Variants in NPAS3 observed in about 807,000 individuals in gnomAD.
NPAS3 encodes neuronal PAS domain-containing protein 3.
Under a neutral mutation model 73.1 loss-of-function variants are expected in NPAS3, and 14 were observed. The ratio of observed to expected loss-of-function variants is 0.19; its 90% CI spans 0.13 to 0.30. The LOEUF is 0.30. Ranked by LOEUF, NPAS3 falls within the 10% of genes least tolerant of loss-of-function variation. NPAS3 has a pLI of 1.00. For synonymous variants in NPAS3, 620 were observed against 541.5 expected, an observed-to-expected ratio of 1.14 and a Z score of -2.01; for missense variants, 1,096 against 1,250.0, an observed-to-expected ratio of 0.88 and a Z score of 1.86.
At chr14:33,335,011 A>G (rs1566807215) in intron 3 of NPAS3, among the ~76,000 whole-genome samples, 3 of 145,728 alleles carry the variant, frequency 2.1e-5, no homozygotes, top group South Asian at 4.3e-4. Flanking sequence ...GTTTCTTGCT[A>G]TGGCTTAGTG....
chr14:33,459,817 G>A (rs546800962), intron 4 of NPAS3, among the ~76,000 whole-genome samples: 6 of 151,984 alleles, frequency 3.9e-5, no homozygotes, highest in Non-Finnish European at 7.4e-5. Flanking sequence ...TTTTCATTGG[G>A]TGCCCAAGAA....
chr14:33,583,032 A>G (rs2056736469), intron 5 of NPAS3, among the ~76,000 whole-genome samples: 2 of 129,282 alleles, frequency 1.5e-5, no homozygotes, highest in Admixed American at 9.0e-5. Context: ...AGTGAACCCT[A>G]GGTAAGTTCT....
intron 6 of NPAS3, among the ~76,000 whole-genome samples, chr14:33,724,331 A>C (rs1018650659): frequency 1.1e-4 from 17 of 152,126 alleles, no homozygotes; most frequent in Admixed American, 8.5e-4. Context: ...ATCCATCCTC[A>C]ATAGAAATAA....
At chr14:33,767,615 T>TTTC (rs1555330306) in intron 7 of NPAS3, among the ~76,000 whole-genome samples, 19 of 151,000 alleles carry the variant, frequency 1.3e-4, no homozygotes, top group African/African-American at 4.6e-4. Context: ...TTTTTTTTTT[T>TTTC]CGTACCTGAA....
At chr14:33,723,280 T>C (rs943484853) in intron 6 of NPAS3, among the ~76,000 whole-genome samples, 2 of 152,168 alleles carry the variant, frequency 1.3e-5, no homozygotes, top group African/African-American at 4.8e-5. Context: ...ACTGCACTCA[T>C]GCAAAACCCT....
At chr14:33,011,680 T>C (rs2039202566) in intron 1 of NPAS3, among the ~76,000 whole-genome samples, 1 of 152,210 alleles carries the variant, frequency 6.6e-6, no homozygotes, top group Admixed American at 6.5e-5. Flanking sequence ...TGCTTGTTTT[T>C]CCATTGTCTT....
intron 3 of NPAS3, among the ~76,000 whole-genome samples, chr14:33,298,579 C>A (rs76051109): frequency 0.019 from 2,837 of 152,236 alleles, 60 homozygotes; most frequent in African/African-American, 0.057. Context: ...TTTATTTCTA[C>A]CTCTTGCTAA....
chr14:33,531,181 G>T (rs1039387701), intron 4 of NPAS3, among the ~76,000 whole-genome samples: 3 of 151,952 alleles, frequency 2.0e-5, no homozygotes, highest in African/African-American at 7.2e-5. Context: ...AGGAAGTGTG[G>T]GTCTTAAAAT....
At chr14:33,106,497 C>A (rs7140317) in intron 2 of NPAS3, among the ~76,000 whole-genome samples, 17,495 of 152,052 alleles carry the variant, frequency 0.12, 1,845 homozygotes, top group African/African-American at 0.28. Flanking sequence ...AATCAGAATA[C>A]ATTGATAAAT....
At chr14:33,642,643 G>A (rs1013116781) in intron 5 of NPAS3, among the ~76,000 whole-genome samples, 1 of 152,160 alleles carries the variant, frequency 6.6e-6, no homozygotes, top group Non-Finnish European at 1.5e-5. Flanking sequence ...TTTTAGACTT[G>A]CTCTGTCTTT....
At chr14:33,409,211 C>T (rs1420848251) in intron 4 of NPAS3, among the ~76,000 whole-genome samples, 1 of 152,094 alleles carries the variant, frequency 6.6e-6, no homozygotes, top group Admixed American at 6.6e-5. Flanking sequence ...TGAGCAGCCC[C>T]ACTGGGGGGT....
At chr14:33,492,189 A>T (rs996464955) in intron 4 of NPAS3, among the ~76,000 whole-genome samples, 9 of 152,174 alleles carry the variant, frequency 5.9e-5, no homozygotes, top group African/African-American at 2.2e-4. Context: ...ACTTACGCTC[A>T]CATATCGATG....
At chr14:33,070,497 C>T (rs985504842) in intron 2 of NPAS3, among the ~76,000 whole-genome samples, 3 of 152,146 alleles carry the variant, frequency 2.0e-5, no homozygotes, top group African/African-American at 4.8e-5. Flanking sequence ...TATTACTGAT[C>T]CCATCCTATA....
chr14:33,183,409 G>A (rs2045867128), intron 2 of NPAS3, among the ~76,000 whole-genome samples: 2 of 139,274 alleles, frequency 1.4e-5, no homozygotes, highest in Non-Finnish European at 3.0e-5. Context: ...CTGGGCGACA[G>A]AGTGAGACTC....
At chr14:33,277,588 T>A (rs1219566464) in intron 3 of NPAS3, among the ~76,000 whole-genome samples, 2 of 152,114 alleles carry the variant, frequency 1.3e-5, no homozygotes, top group Non-Finnish European at 2.9e-5. Context: ...ATGCCAAATG[T>A]TTAGCTTCTC....
intron 3 of NPAS3, among the ~76,000 whole-genome samples, chr14:33,228,169 T>A (rs2047707180): frequency 6.6e-6 from 1 of 152,202 alleles, no homozygotes; most frequent in Non-Finnish European, 1.5e-5. Context: ...AAGATTATGG[T>A]TTTAAAATGA....
intron 6 of NPAS3, among the ~76,000 whole-genome samples, chr14:33,698,453 C>A (rs2060445023): frequency 6.6e-6 from 1 of 152,144 alleles, no homozygotes; most frequent in African/African-American, 2.4e-5. Flanking sequence ...AGAGAGAGAT[C>A]ACATTAAAGC....
intron 1 of NPAS3, among the ~76,000 whole-genome samples, chr14:32,943,405 C>T (rs2036111437): frequency 6.6e-6 from 1 of 152,128 alleles, no homozygotes; most frequent in Admixed American, 6.6e-5. Context: ...AATTCTTCTA[C>T]CCAATGGCTG....
At chr14:33,158,437 C>A (rs560008689) in intron 2 of NPAS3, among the ~76,000 whole-genome samples, 3 of 152,046 alleles carry the variant, frequency 2.0e-5, no homozygotes, top group African/African-American at 7.2e-5. Context: ...AGAACATGAG[C>A]GATTATGTCC....
Sources: allele counts gnomAD v4.1 joint callset (sites outside exome capture counted in the v4.1 genomes callset), GRCh38; gene constraint gnomAD v4.1.1; transcripts MANE v1.5; gene names NCBI Gene and HGNC (gene_info 2026-07-23, HGNC 2026-07-21).